The following SNX24 variants were observed in gnomAD, a reference collection of about 807,000 sequenced individuals.
The protein encoded by SNX24 is sorting nexin-24.
In SNX24, 22 loss-of-function variants were observed where a neutral mutation model predicts 28.7. That is an observed-to-expected ratio of 0.77 (90% confidence interval 0.55 to 1.10). The LOEUF (loss-of-function observed/expected upper bound fraction) is 1.10, where lower values mean the gene tolerates loss of function less well. Among genes scored for constraint, SNX24 ranks in the 50% least tolerant of loss-of-function variants. The pLI, the probability that SNX24 is intolerant of heterozygous loss-of-function variation, is 0.00. For synonymous variants in SNX24, 69 were observed against 71.5 expected, an observed-to-expected ratio of 0.96 and a Z score of 0.18; for missense variants, 221 against 201.1, an observed-to-expected ratio of 1.10 and a Z score of -0.60.
At chr5:122,895,500 C>A (rs1322168588) in intron 1 of SNX24, among the ~76,000 whole-genome samples, 3 of 152,228 alleles carry the variant, frequency 2.0e-5, no homozygotes, top group Admixed American at 6.5e-5. Flanking sequence ...ACCTTGGGTC[C>A]TGGTGATTGG....
At chr5:122,982,562 T>C (rs1386188690) in intron 3 of SNX24, among the ~76,000 whole-genome samples, 2 of 152,208 alleles carry the variant, frequency 1.3e-5, no homozygotes, top group Admixed American at 6.5e-5. Flanking sequence ...TCAGTAGATA[T>C]TGAGAAAGCT....
intron 1 of SNX24, among the ~76,000 whole-genome samples, chr5:122,895,754 T>C (rs1005554780): frequency 1.3e-5 from 2 of 152,214 alleles, no homozygotes; most frequent in African/African-American, 4.8e-5. Context: ...TTTCTGCTTA[T>C]TTGAGCCATA....
At chr5:122,874,410 T>A (rs1756132496) in intron 1 of SNX24, among the ~76,000 whole-genome samples, 1 of 152,218 alleles carries the variant, frequency 6.6e-6, no homozygotes, top group African/African-American at 2.4e-5. Context: ...TCAAGAAAGC[T>A]GTGTGAAAGA....
At chr5:122,873,913 C>T (rs904560739) in intron 1 of SNX24, among the ~76,000 whole-genome samples, 4 of 151,870 alleles carry the variant, frequency 2.6e-5, no homozygotes, top group African/African-American at 9.7e-5. Flanking sequence ...TTACAGGCAC[C>T]GGCCACCACG....
chr5:123,018,389 T>C (rs1382876356), intron 5 of SNX24, among the ~76,000 whole-genome samples: 1 of 152,014 alleles, frequency 6.6e-6, no homozygotes, highest in African/African-American at 2.4e-5. Flanking sequence ...AAACGGTCAT[T>C]TTCAAATAGA....
intron 1 of SNX24, among the ~76,000 whole-genome samples, chr5:122,928,215 C>G (rs1758785981): frequency 6.6e-6 from 1 of 152,166 alleles, no homozygotes; most frequent in Admixed American, 6.5e-5. Context: ...TGACTATTCA[C>G]TCTTCCATCT....
At chr5:122,890,466 A>G (rs933962437) in intron 1 of SNX24, among the ~76,000 whole-genome samples, 1 of 114,918 alleles carries the variant, frequency 8.7e-6, no homozygotes, top group Non-Finnish European at 1.6e-5. Context: ...TTCCATTTAG[A>G]GGGGATTTTT....
chr5:123,025,770 ATG>A, intron 5 of SNX24: 2 of 1,607,934 alleles, frequency 1.2e-6, no homozygotes, highest in South Asian at 2.2e-5. Context: ...AAGGAAAAAA[ATG>A]TATCAATTTA....
At chr5:122,865,704 A>T (rs530158449) in intron 1 of SNX24, among the ~76,000 whole-genome samples, 3 of 152,346 alleles carry the variant, frequency 2.0e-5, no homozygotes, top group African/African-American at 7.2e-5. Flanking sequence ...CATGATGAGG[A>T]TGGAGGTGAG....
rs528713500 is a variant in SNX24, at chr5:122,939,390, A to C, written c.144+2573A>C. ...CCTCTTTCAATAGAATTATCTATTTATGTGCTTTCTCATTTATCTGCTAGT... is the reference window on the plus strand; with the variant it reads ...CCTCTTTCAATAGAATTATCTATTTCTGTGCTTTCTCATTTATCTGCTAGT... On this transcript the variant is annotated intron_variant, in intron 2 of 6. Transcript: ENST00000261369. Among the ~76,000 whole-genome samples, 3 of 152,262 alleles carry C rather than the reference A, an allele frequency of 2.0e-5. No homozygotes were observed. The South Asian group carries it at 6.2e-4, about 32-fold the overall frequency.
rs1201821898 is a variant in SNX24 at position 122,919,516 on chromosome 5, C to T, written c.61-17218C>T. On this transcript the variant is annotated intron_variant, in intron 1 of 6. Coordinates refer to ENST00000261369, the MANE Select transcript of SNX24 (RefSeq NM_014035.4). The stretch of plus-strand genomic sequence containing the variant: ...GTGTGCAGGAAGATTATAGTAGCTT[C>T]TGTAGTAGTTGATGTGGTGTTTTGA... 4.6e-5 allele frequency among the ~76,000 whole-genome samples: 7 copies of T among 151,142 alleles called. No individual in the cohort carries two copies. The East Asian group carries it at 1.4e-3, about 29-fold the overall frequency.
At chr5:122,975,097 A>G (rs893334755) in intron 3 of SNX24, among the ~76,000 whole-genome samples, 1 of 152,236 alleles carries the variant, frequency 6.6e-6, no homozygotes, top group Non-Finnish European at 1.5e-5. Flanking sequence ...CTCCACATCC[A>G]GGTGTGCTAT....
chr5:123,014,746 G>C (rs1298066599), intron 5 of SNX24, among the ~76,000 whole-genome samples: 1 of 152,066 alleles, frequency 6.6e-6, no homozygotes, highest in South Asian at 2.1e-4. Flanking sequence ...TTCCCACTAA[G>C]AAAAACATTT....
At chr5:123,027,534 G>A (rs146284501) in intron 5 of SNX24, among the ~76,000 whole-genome samples, 1,666 of 152,176 alleles carry the variant, frequency 0.011, 15 homozygotes, top group Middle Eastern at 0.051. Flanking sequence ...ATCCACGAGC[G>A]TCCTCAGCAA....
chr5:122,896,058 A>G (rs1757189493), intron 1 of SNX24, among the ~76,000 whole-genome samples: 1 of 152,188 alleles, frequency 6.6e-6, no homozygotes, highest in Non-Finnish European at 1.5e-5. Flanking sequence ...CTGAGGTGGG[A>G]GAATCACTTG....
chr5:122,904,358 T>C (rs1032394830), intron 1 of SNX24, among the ~76,000 whole-genome samples: 6 of 152,094 alleles, frequency 3.9e-5, no homozygotes, highest in African/African-American at 1.4e-4. Flanking sequence ...AATTTTTGTA[T>C]TTTTAGTAGA....
At chr5:122,907,730 T>C (rs527697967) in intron 1 of SNX24, among the ~76,000 whole-genome samples, 31 of 152,154 alleles carry the variant, frequency 2.0e-4, no homozygotes, top group African/African-American at 7.2e-4. Flanking sequence ...ACACCTAAAT[T>C]CTCCTGTTTA....
intron 3 of SNX24, among the ~76,000 whole-genome samples, chr5:122,994,003 T>C (rs1008178493): frequency 1.3e-5 from 2 of 152,184 alleles, no homozygotes; most frequent in African/African-American, 4.8e-5. Context: ...AGAGGTTCTC[T>C]ACAGTTTATA....
chr5:122,865,406 C>G (rs1312764953), intron 1 of SNX24, among the ~76,000 whole-genome samples: 1 of 152,236 alleles, frequency 6.6e-6, no homozygotes, highest in East Asian at 1.9e-4. Context: ...TCTTGGCTCA[C>G]TGCAATCTCT....
Sources: gnomAD v4.1 joint callset for allele counts (sites outside exome capture counted in the v4.1 genomes callset) on GRCh38, gnomAD v4.1.1 for gene constraint, MANE v1.5 for transcripts, NCBI Gene and HGNC (gene_info 2026-07-23, HGNC 2026-07-21) for gene names.